TASOR2: variants seen among roughly 807,000 people sequenced by gnomAD.
TASOR2 encodes the protein transcription activation suppressor family member 2.
A neutral mutation model predicts 199.5 loss-of-function variants in TASOR2; 84 were observed. That is an observed-to-expected ratio of 0.42 (90% confidence interval 0.35 to 0.50). TASOR2 has a LOEUF of 0.50. TASOR2 is among the 20% of genes least tolerant of loss of function. The pLI, the probability that TASOR2 is intolerant of heterozygous loss-of-function variation, is 0.02. For missense variants in TASOR2, 2,796 were observed against 2,835.9 expected (o/e 0.99, Z 0.32); for synonymous variants, 1,103 against 1,046.6 (o/e 1.05, Z -1.04).
At position 5,730,495 on chromosome 10, in the gene TASOR2, G is replaced by C; in HGVS notation, c.496G>C (p.Asp166His). 1 of 1,593,860 alleles carries C rather than the reference G, an allele frequency of 6.3e-7. No homozygotes were observed. The highest frequency in any genetic ancestry group is 8.5e-7 in the Non-Finnish European group (1 of 1,171,860). The change falls in exon 11 of 21, where the codon GAT (aspartate) becomes CAT (histidine). Residue 166 changes from aspartate (D) to histidine (H), a missense_variant. Coordinates refer to ENST00000328090, the Ensembl canonical transcript of TASOR2. This position sits in a 1 kb window ranked among gnomAD's most constrained non-coding sequence, Gnocchi z 4.1. ...GTGTGTATATATTCTAGGGGTGAAA[G>C]ATTTGAAAGTTGAAGATGACATCTC...
chr10:5,752,182 G>T lies in TASOR2; in HGVS notation c.6606+2155G>T, dbSNP rs149538385. ...CCTCAGAGCCCCAACATGTGCAGGT[G>T]GGGGGGATGTTGCTTTTTTGTCATG... is the stretch of plus-strand genomic sequence containing the variant. On this transcript the variant is annotated intron_variant, in intron 15 of 20. Transcript: ENST00000328090. This position sits in a 1 kb window ranked among gnomAD's most constrained non-coding sequence, Gnocchi z 4.4. 1.1e-4 allele frequency among the ~76,000 whole-genome samples: 16 copies of T among 152,248 alleles called. No individual in the cohort carries two copies. In the South Asian group the frequency reaches 3.1e-3, roughly 30 times the overall value.
intron 18 of TASOR2, 38 bp from the exon 20 acceptor site, chr10:5,761,252 C>T (rs767840621): frequency 6.4e-7 from 1 of 1,554,222 alleles, no homozygotes; most frequent in Non-Finnish European, 8.7e-7. Context: ...AAGAATAAAA[C>T]TGAAAAATAT....
chr10:5,705,148 T>A (rs1315174247), intron 1 of TASOR2, among the ~76,000 whole-genome samples: 4 of 152,202 alleles, frequency 2.6e-5, no homozygotes, highest in Non-Finnish European at 5.9e-5. Context: ...ATACCCCACT[T>A]GTAGTCAATT....
intron 18 of TASOR2, among the ~76,000 whole-genome samples, chr10:5,759,300 G>C (rs898343499): frequency 5.9e-5 from 9 of 152,160 alleles, no homozygotes; most frequent in African/African-American, 2.2e-4. Flanking sequence ...TACCATTAAT[G>C]CTTTTTTGGA....
Position 5,690,636 on chromosome 10 carries a change from G to C in TASOR2, c.-288+5461G>C, listed in dbSNP as rs563042505. Among the ~76,000 whole-genome samples, 2 of 152,216 alleles carry C rather than the reference G, an allele frequency of 1.3e-5. No individual in the cohort carries two copies. The highest frequency in any genetic ancestry group is 2.9e-5 in the Non-Finnish European group (2 of 67,994). On this transcript the variant is annotated intron_variant, in intron 1 of 20. Transcript: ENST00000328090. The surrounding 1 kb of genome is among the most constrained non-coding windows in gnomAD (Gnocchi z 4.8). ...TAATAATCAAGAGTACCCAAAAGTG[G>C]GTCTTGAAATATAATTGTTTCTGAG...
Position 5,758,840 on chromosome 10 carries a change from G to A in TASOR2, c.6887-47G>A. 4 of 1,440,838 alleles carry A rather than the reference G, an allele frequency of 2.8e-6. No homozygotes were observed. In the South Asian group the frequency reaches 4.7e-5, roughly 17 times the overall value. The allele number at this position is 1,440,838 out of a possible 1,614,324, so 89.3% of individuals were successfully genotyped here. On this transcript the variant is annotated intron_variant, in intron 17 of 20. Transcript: ENST00000328090. ...TCACTGGGCTTGGCATGAGCCAAAA[G>A]TACCTTAAACTTGTCATCTTCTTTT... is the stretch of plus-strand genomic sequence containing the variant.
rs1469532282 is a variant in TASOR2 at position 5,750,129 on chromosome 10, A to G, written c.6606+102A>G. 1 of 1,281,922 alleles carries G rather than the reference A, an allele frequency of 7.8e-7. No homozygotes were observed. The highest frequency in any genetic ancestry group is 1.0e-6 in the Non-Finnish European group (1 of 959,650). The allele number at this position is 1,281,922 out of a possible 1,614,324, so 79.4% of individuals were successfully genotyped here. Reference sequence around the variant, plus strand: ...GCCATCAAAAAGAAATCATGGTATGACATAGTATTTAAATTTCACAGCTTA... The same window carrying G: ...GCCATCAAAAAGAAATCATGGTATGGCATAGTATTTAAATTTCACAGCTTA... On this transcript the variant is annotated intron_variant, in intron 15 of 20. Transcript: ENST00000328090. This position sits in a 1 kb window ranked among gnomAD's most constrained non-coding sequence, Gnocchi z 5.4.
intron 1 of TASOR2, among the ~76,000 whole-genome samples, chr10:5,688,784 A>C (rs1836086974): frequency 6.6e-6 from 1 of 151,394 alleles, no homozygotes; most frequent in Non-Finnish European, 1.5e-5. Context: ...AGCTGGGAGG[A>C]TTGCTTCAGC....
intron 1 of TASOR2, chr10:5,709,423 A>T: frequency 3.0e-6 from 2 of 669,364 alleles, no homozygotes; most frequent in Non-Finnish European, 4.2e-6. Flanking sequence ...AATAAATATT[A>T]CATAATTATT....
In TASOR2 at chr10:5,756,652, C is replaced by T; in HGVS notation, c.6646C>T (p.Gln2216Ter). 6.2e-7 allele frequency: 1 copy of T among 1,613,528 alleles called. No homozygotes were observed. Among genetic ancestry groups the T allele is most frequent in the Non-Finnish European group, 8.5e-7 (1 of 1,179,826 alleles). The change falls in exon 16 of 21, where the codon CAG becomes TAG. Residue 2216 changes from glutamine (Q) to a stop codon, truncating the protein, a stop_gained. Transcript: ENST00000328090. LOFTEE classifies it high-confidence loss of function. The stretch of plus-strand genomic sequence containing the variant: ...AGGAGGCCATACAGAAATTGAACCT[C>T]AGCACTTCTGTCAAGCTTTCCACAG...
exon 17 of TASOR2, chr10:5,757,554 G>C (rs763778037): frequency 6.2e-7 from 1 of 1,611,114 alleles, no homozygotes; most frequent in African/African-American, 1.3e-5. Context: ...CATTTCCCCA[G>C]TGTCATCTTT....
intron 15 of TASOR2, among the ~76,000 whole-genome samples, chr10:5,755,330 T>C (rs1045742065): frequency 3.9e-5 from 6 of 152,086 alleles, no homozygotes; most frequent in Non-Finnish European, 8.8e-5. Context: ...CCCAGCACTT[T>C]GGGAGGCCAA....
Position 5,763,041 on chromosome 10 carries a change from C to T in TASOR2, c.*9C>T, listed in dbSNP as rs760680316. 3.0e-5 allele frequency: 49 copies of T among 1,612,022 alleles called. 3 individuals are homozygous for T. In the South Asian group the frequency reaches 5.0e-4, roughly 16 times the overall value. On this transcript the variant is annotated 3_prime_UTR_variant, in exon 21 of 21. Transcript: ENST00000328090. ...TGTGTTTCTTCAGGTGACTCAACTA[C>T]AGCCTGCCTGGATATGGATGATGCC...
In TASOR2 at chr10:5,730,816, G is replaced by A. The variant is rs780739965; in HGVS notation, c.817G>A (p.Glu273Lys). Residue 273 changes from glutamate to lysine, a missense_variant, in exon 11 of 21, where the codon GAA becomes AAA. By Grantham distance (56) the Glu-to-Lys change is moderately conservative. Around this residue, in one of 3 missense-constraint regions of TASOR2, gnomAD observed 847 missense variants for 887.4 expected, o/e 0.95. Coordinates refer to ENST00000328090, the Ensembl canonical transcript of TASOR2. The surrounding 1 kb of genome is among the most constrained non-coding windows in gnomAD (Gnocchi z 4.1). ...TTCAGACCCTAGTGCTTACATTTTG[G>A]AAGTGTCTACTGCTTTGGACTTGCT... 2 of 1,613,986 alleles carry A rather than the reference G, an allele frequency of 1.2e-6. No homozygotes were observed. Among genetic ancestry groups the A allele is most frequent in the Non-Finnish European group, 1.7e-6 (2 of 1,180,040 alleles).
intron 1 of TASOR2, among the ~76,000 whole-genome samples, chr10:5,702,635 ATTTTTTTTTTTTTTTT>A (rs71388467): frequency 3.5e-5 from 3 of 84,910 alleles, no homozygotes; most frequent in Admixed American, 1.4e-4. Flanking sequence ...TAAAATGGTC[ATTTTTTTTTTTTTTTT>A]TTTTTTTTTT....
At chr10:5,761,262 T>C in intron 18 of TASOR2, 28 bp from the exon 20 acceptor site, 1 of 1,570,498 alleles carries the variant, frequency 6.4e-7, no homozygotes, top group Non-Finnish European at 8.6e-7. Context: ...CTGAAAAATA[T>C]TTTAATATGC....
At chr10:5,708,935 C>G (rs1157922598) in intron 1 of TASOR2, among the ~76,000 whole-genome samples, 2 of 152,082 alleles carry the variant, frequency 1.3e-5, no homozygotes, top group African/African-American at 2.4e-5. Context: ...CTCCTGAGTT[C>G]AAACAATCTG....
rs757206394 is a variant in TASOR2, at chr10:5,740,411, C to T, written c.2241C>T (p.Phe747=). 20 of 1,614,148 alleles carry T rather than the reference C, an allele frequency of 1.2e-5. No homozygotes were observed. Among genetic ancestry groups the T allele is most frequent in the Non-Finnish European group, 1.6e-5 (19 of 1,180,032 alleles). Residue 747 remains phenylalanine (F), a synonymous_variant, in exon 13 of 21, where the codon TTC becomes TTT. Coordinates refer to ENST00000328090, the Ensembl canonical transcript of TASOR2. This position sits in a 1 kb window ranked among gnomAD's most constrained non-coding sequence, Gnocchi z 5.3. ...GTGATGACTCCGTTAAGATCACTTT[C>T]AAATGTGAAACAGAATATGCATTCA...
Position 5,745,996 on chromosome 10 carries a change from T to C in TASOR2, c.2758-183T>C, listed in dbSNP as rs141734374. Among the ~76,000 whole-genome samples the C allele has an allele frequency of 2.0e-3, 309 of 152,316 alleles. 1 individual carries two copies. Among genetic ancestry groups the C allele is most frequent in the African/African-American group, 7.1e-3 (296 of 41,572 alleles). ...ATCCCACTGGGGGGTATTTTAAGTC[T>C]GCCTTTAAAAGAGGGACTTGCTTGA... On this transcript the variant is annotated intron_variant, in intron 14 of 20. Coordinates refer to ENST00000328090, the Ensembl canonical transcript of TASOR2.
Sources: gnomAD v4.1 joint callset for allele counts (sites outside exome capture counted in the v4.1 genomes callset) on GRCh38, gnomAD v4.1.1 for gene constraint, gnomAD v4.1.1 regional missense constraint, Gnocchi (gnomAD v3.1) non-coding constraint, MANE v1.5 for transcripts, NCBI Gene and HGNC (gene_info 2026-07-23, HGNC 2026-07-21) for gene names.